The following POFUT3 variants were observed in gnomAD, a reference collection of about 807,000 sequenced individuals.
POFUT3 encodes the protein GDP-fucose protein O-fucosyltransferase 3.
the POFUT3 span, among the ~76,000 whole-genome samples, chr8:33,462,159 A>AGAGAGGAGGGGAGGGG: frequency 3.4e-3 from 1 of 298 alleles, no homozygotes; most frequent in Non-Finnish European, 6.2e-3. Flanking sequence ...AAGGGGAGGG[A>AGAGAGGAGGGGAGGGG]AGGGGAAGGG....
chr8:33,406,993 CAAA>C, the POFUT3 span, among the ~76,000 whole-genome samples: 1 of 152,220 alleles, frequency 6.6e-6, no homozygotes, highest in Non-Finnish European at 1.5e-5. Flanking sequence ...AAAGGCCTCA[CAAA>C]CCTTGTATAA....
At chr8:33,417,388 G>A in the POFUT3 span, among the ~76,000 whole-genome samples, 42 of 152,116 alleles carry the variant, frequency 2.8e-4, no homozygotes, top group Middle Eastern at 6.9e-3. Flanking sequence ...GAATCATCCC[G>A]AAACCATCTT....
chr8:33,416,604 G>C, the POFUT3 span, among the ~76,000 whole-genome samples: 1 of 152,098 alleles, frequency 6.6e-6, no homozygotes, highest in Non-Finnish European at 1.5e-5. Flanking sequence ...CCAGCACTTT[G>C]AGAGGCCAAA....
the POFUT3 span, among the ~76,000 whole-genome samples, chr8:33,350,650 TG>T: frequency 6.6e-6 from 1 of 152,186 alleles, no homozygotes; most frequent in Non-Finnish European, 1.5e-5. Context: ...TGATTTCCAT[TG>T]TTTTAAGGTC....
the POFUT3 span, among the ~76,000 whole-genome samples, chr8:33,428,229 A>G: frequency 6.6e-6 from 1 of 152,190 alleles, no homozygotes; most frequent in Non-Finnish European, 1.5e-5. Context: ...TCTTCCTTCA[A>G]CCATGGAGTG....
chr8:33,369,296 A>T, the POFUT3 span, among the ~76,000 whole-genome samples: 3 of 152,246 alleles, frequency 2.0e-5, no homozygotes, highest in Non-Finnish European at 4.4e-5. Context: ...GTTGCAGAGT[A>T]GCAACTAAAA....
chr8:33,312,345 G>A, the POFUT3 span, among the ~76,000 whole-genome samples: 2 of 151,792 alleles, frequency 1.3e-5, no homozygotes, highest in Non-Finnish European at 2.9e-5. Context: ...GATGACAGAG[G>A]CAGAGATGGC....
the POFUT3 span, among the ~76,000 whole-genome samples, chr8:33,364,393 T>G: frequency 1.3e-5 from 2 of 152,192 alleles, no homozygotes; most frequent in African/African-American, 4.8e-5. Context: ...ACCATTCCTA[T>G]TCAATATACT....
At chr8:33,338,370 G>A in the POFUT3 span, among the ~76,000 whole-genome samples, 1 of 151,904 alleles carries the variant, frequency 6.6e-6, no homozygotes, top group Non-Finnish European at 1.5e-5. Flanking sequence ...ATGTAAAAGA[G>A]GGAGAAGCAC....
chr8:33,461,702 A>G, the POFUT3 span: 1 of 1,422,756 alleles, frequency 7.0e-7, no homozygotes, highest in Non-Finnish European at 9.2e-7. Context: ...AGATTTCTCC[A>G]AATAAGAAGG....
the POFUT3 span, among the ~76,000 whole-genome samples, chr8:33,374,574 T>A: frequency 6.6e-6 from 1 of 152,238 alleles, no homozygotes; most frequent in East Asian, 1.9e-4. Flanking sequence ...AAGAGAAATA[T>A]GACTAGACTC....
chr8:33,339,689 C>A, the POFUT3 span, among the ~76,000 whole-genome samples: 1 of 152,010 alleles, frequency 6.6e-6, no homozygotes, highest in Admixed American at 6.6e-5. Context: ...TAAATGACAC[C>A]TTACCTATTG....
At chr8:33,453,940 G>C in the POFUT3 span, among the ~76,000 whole-genome samples, 1 of 151,948 alleles carries the variant, frequency 6.6e-6, no homozygotes, top group African/African-American at 2.4e-5. Context: ...CGGCAACAGA[G>C]CAAAGCTCCA....
At chr8:33,406,334 T>C in the POFUT3 span, among the ~76,000 whole-genome samples, 1 of 152,174 alleles carries the variant, frequency 6.6e-6, no homozygotes, top group Non-Finnish European at 1.5e-5. Flanking sequence ...CTGAATTCAA[T>C]TGTACATAAA....
the POFUT3 span, among the ~76,000 whole-genome samples, chr8:33,322,854 G>A: frequency 6.6e-6 from 1 of 152,142 alleles, no homozygotes; most frequent in Non-Finnish European, 1.5e-5. Flanking sequence ...TGCTTGGCAA[G>A]GGAGGTGCAT....
At chr8:33,460,872 G>C in the POFUT3 span, 2 of 344,790 alleles carry the variant, frequency 5.8e-6, no homozygotes, top group African/African-American at 2.2e-5. Context: ...TCTGATCCTG[G>C]CTGGGCACAG....
At chr8:33,387,604 G>C in the POFUT3 span, among the ~76,000 whole-genome samples, 1 of 152,178 alleles carries the variant, frequency 6.6e-6, no homozygotes, top group Non-Finnish European at 1.5e-5. Flanking sequence ...AGGAGTTCGA[G>C]ACCAGCCTGG....
the POFUT3 span, among the ~76,000 whole-genome samples, chr8:33,393,020 A>G: frequency 6.6e-6 from 1 of 152,118 alleles, no homozygotes; most frequent in African/African-American, 2.4e-5. Context: ...AACCATGACC[A>G]ACCTAAACTA....
chr8:33,453,917 T>C, the POFUT3 span, among the ~76,000 whole-genome samples: 1 of 151,930 alleles, frequency 6.6e-6, no homozygotes, highest in South Asian at 2.1e-4. Context: ...ATCGCGCCAC[T>C]GCACTTGAGC....
Sources: gnomAD v4.1 joint callset for allele counts (sites outside exome capture counted in the v4.1 genomes callset) on GRCh38, gnomAD v4.1.1 for gene constraint, MANE v1.5 for transcripts, NCBI Gene and HGNC (gene_info 2026-07-23, HGNC 2026-07-21) for gene names.